Variants in MMP26 observed in about 807,000 individuals in gnomAD.
MMP26 encodes matrix metalloproteinase-26.
In MMP26, 33 loss-of-function variants were observed where a neutral mutation model predicts 31.0. The observed-to-expected ratio is 1.06, with a 90% confidence interval of 0.81 to 1.42. MMP26 has a LOEUF of 1.42. Among genes scored for constraint, MMP26 ranks in the 40% most tolerant of loss-of-function variants. The pLI is 0.00. For synonymous variants in MMP26, 122 were observed against 114.9 expected (o/e 1.06, Z -0.40); for missense variants, 347 against 316.1 (o/e 1.10, Z -0.74).
At chr11:4,986,930 T>TCTCC (rs1382417893) in intron 2 of MMP26, among the ~76,000 whole-genome samples, 68 of 90,282 alleles carry the variant, frequency 7.5e-4, no homozygotes, top group Non-Finnish European at 1.5e-3. Context: ...TCTCTCTCTC[T>TCTCC]CCCTCTCTCT....
chr11:4,768,213 T>G lies in MMP26; in HGVS notation c.-145+872T>G, dbSNP rs188943709. ...CCCCAAACTTCCTTGTAATTTACTT[T>G]ACATTCTTTTCTAGTTCTCTCAAGT... On this transcript the variant is annotated intron_variant, in intron 2 of 7. Coordinates refer to ENST00000380390, the MANE Select transcript of MMP26 (RefSeq NM_021801.5). Among the ~76,000 whole-genome samples the G allele has an allele frequency of 6.6e-5, 10 of 152,236 alleles. No homozygotes were observed. The East Asian group carries it at 1.9e-3, about 29-fold the overall frequency.
In MMP26 at chr11:4,743,192, C is replaced by T. The variant is rs138522326; in HGVS notation, c.-216-24078C>T. Among the ~76,000 whole-genome samples the T allele has an allele frequency of 1.1e-3, 168 of 152,278 alleles. 1 individual carries two copies. The highest frequency in any genetic ancestry group is 3.4e-3 in the Middle Eastern group (1 of 294). On this transcript the variant is annotated intron_variant, in intron 1 of 7. Coordinates refer to ENST00000380390, the MANE Select transcript of MMP26 (RefSeq NM_021801.5). The stretch of plus-strand genomic sequence containing the variant: ...TTTTCCCTCAACAGCTGTATACTGT[C>T]ACTGTCCCCTGGCTCTTCATAGTCA...
intron 2 of MMP26, among the ~76,000 whole-genome samples, chr11:4,774,685 A>T (rs540195611): frequency 2.0e-5 from 3 of 152,232 alleles, no homozygotes; most frequent in South Asian, 4.1e-4. Flanking sequence ...TGGCAATTTC[A>T]TCATGAAATC....
intron 2 of MMP26, chr11:4,882,032 A>AC: frequency 6.2e-7 from 1 of 1,613,890 alleles, no homozygotes; most frequent in Non-Finnish European, 8.5e-7. Context: ...CTTGGGAAAC[A>AC]GTATGATCTT....
At chr11:4,842,601 A>G (rs1263273190) in intron 2 of MMP26, among the ~76,000 whole-genome samples, 3 of 152,192 alleles carry the variant, frequency 2.0e-5, no homozygotes, top group Admixed American at 6.5e-5. Context: ...ATCATCTCCC[A>G]TCAGGTCCCT....
rs71885228 is a variant in MMP26, at chr11:4,898,809, ATCTC to A, written c.-144-89239_-144-89236del. Among the ~76,000 whole-genome samples the A allele has an allele frequency of 2.9e-3, 413 of 143,550 alleles. 1 individual carries two copies. The highest frequency in any genetic ancestry group is 5.0e-3 in the African/African-American group (191 of 38,156). 94.2% of individuals were successfully genotyped at this position (143,550 alleles called of 152,430 possible). ...TTAGAGTTTATTAGAAATTTAAGAA[ATCTC>A]TCTCTCTCTCTCTCTCTCTGTGTGT... On this transcript the variant is annotated intron_variant, in intron 2 of 7. Coordinates refer to ENST00000380390, the MANE Select transcript of MMP26 (RefSeq NM_021801.5).
At chr11:4,869,817 C>T (rs566420451) in intron 2 of MMP26, among the ~76,000 whole-genome samples, 89 of 152,228 alleles carry the variant, frequency 5.8e-4, no homozygotes, top group South Asian at 1.7e-3. Flanking sequence ...TGGAACCAAC[C>T]CAAATGTCCA....
intron 2 of MMP26, among the ~76,000 whole-genome samples, chr11:4,933,617 C>T (rs561856443): frequency 1.3e-5 from 2 of 149,972 alleles, no homozygotes; most frequent in African/African-American, 4.9e-5. Flanking sequence ...TACATGTGCA[C>T]ATTGTGCAGG....
chr11:4,965,654 C>G (rs1159153410), intron 2 of MMP26, among the ~76,000 whole-genome samples: 1 of 152,158 alleles, frequency 6.6e-6, no homozygotes, highest in Admixed American at 6.5e-5. Context: ...TTAGAGCACA[C>G]CCTTCTGGGT....
At chr11:4,814,483 G>C in intron 2 of MMP26, among the ~76,000 whole-genome samples, 1 of 152,130 alleles carries the variant, frequency 6.6e-6, no homozygotes, top group Admixed American at 6.5e-5. Flanking sequence ...GCTTCATAAA[G>C]AGTAGATAAA....
At chr11:4,724,354 T>C (rs1848067963) in intron 1 of MMP26, among the ~76,000 whole-genome samples, 1 of 152,330 alleles carries the variant, frequency 6.6e-6, no homozygotes, top group East Asian at 1.9e-4. Flanking sequence ...ACTTGTGACC[T>C]CCTGGTTAGA....
At chr11:4,923,427 T>C (rs1262046095) in intron 2 of MMP26, 1 of 1,595,342 alleles carries the variant, frequency 6.3e-7, no homozygotes, top group East Asian at 2.2e-5. Flanking sequence ...TTCTTAATGA[T>C]GCGCTGGCGA....
intron 1 of MMP26, among the ~76,000 whole-genome samples, chr11:4,737,670 A>G (rs1020403005): frequency 6.6e-6 from 1 of 151,616 alleles, no homozygotes; most frequent in African/African-American, 2.4e-5. Flanking sequence ...ACACAAACAC[A>G]AAAACAAAAA....
intron 2 of MMP26, among the ~76,000 whole-genome samples, chr11:4,968,963 A>G (rs1268625803): frequency 1.3e-5 from 2 of 151,964 alleles, no homozygotes; most frequent in East Asian, 1.9e-4. Flanking sequence ...CATACTTCAT[A>G]CTTTTTCTTC....
intron 2 of MMP26, chr11:4,882,436 A>G: frequency 6.2e-7 from 1 of 1,613,688 alleles, no homozygotes; most frequent in South Asian, 1.1e-5. Context: ...TTTCCCATCC[A>G]TTTTGCTACC....
intron 1 of MMP26, among the ~76,000 whole-genome samples, chr11:4,727,222 A>C (rs1848112703): frequency 6.6e-6 from 1 of 152,196 alleles, no homozygotes; most frequent in Non-Finnish European, 1.5e-5. Context: ...TTTGCTTTAA[A>C]GGTAACATCC....
At chr11:4,861,448 A>T (rs541853424) in intron 2 of MMP26, among the ~76,000 whole-genome samples, 2 of 151,520 alleles carry the variant, frequency 1.3e-5, no homozygotes, top group South Asian at 4.2e-4. Flanking sequence ...CCTTTTTAAA[A>T]TCTAATATGT....
intron 2 of MMP26, chr11:4,924,121 T>C (rs764976839): frequency 7.4e-6 from 12 of 1,614,100 alleles, no homozygotes; most frequent in South Asian, 5.5e-5. Context: ...GGCAAAGGCC[T>C]AAGTCTGTGA....
chr11:4,915,278 A>G, intron 2 of MMP26: 1 of 1,614,064 alleles, frequency 6.2e-7, no homozygotes, highest in East Asian at 2.2e-5. Context: ...GCAGATAGCC[A>G]CAAAGCGGTC....
Sources: allele counts gnomAD v4.1 joint callset (sites outside exome capture counted in the v4.1 genomes callset), GRCh38; gene constraint gnomAD v4.1.1; transcripts MANE v1.5; gene names NCBI Gene and HGNC (gene_info 2026-07-23, HGNC 2026-07-21).